Variants in INTS9 observed in about 807,000 individuals in gnomAD.
The protein encoded by INTS9 is integrator complex subunit 9.
A neutral mutation model predicts 79.7 loss-of-function variants in INTS9; 55 were observed. The ratio of observed to expected loss-of-function variants is 0.69; its 90% CI spans 0.56 to 0.86. The LOEUF (loss-of-function observed/expected upper bound fraction) is 0.86. INTS9 is among the 40% of genes least tolerant of loss of function. The probability of loss-of-function intolerance (pLI) is 0.00; values close to 1 mark genes in which losing one functional copy is unlikely to be tolerated. For synonymous variants in INTS9, 319 were observed against 325.2 expected (o/e 0.98, Z 0.20); for missense variants, 721 against 831.5 (o/e 0.87, Z 1.64).
chr8:28,862,836 TGA>T (rs987684213), intron 1 of INTS9, among the ~76,000 whole-genome samples: 11 of 152,240 alleles, frequency 7.2e-5, no homozygotes, highest in African/African-American at 1.9e-4. Flanking sequence ...GCTTTAGTTC[TGA>T]GAGGCAGTTT....
At chr8:28,824,577 CG>C (rs1441501579) in intron 6 of INTS9, among the ~76,000 whole-genome samples, 2 of 152,198 alleles carry the variant, frequency 1.3e-5, no homozygotes, top group African/African-American at 2.4e-5. Context: ...TGCTCACTCA[CG>C]TGCTCTTTGG....
intron 14 of INTS9, among the ~76,000 whole-genome samples, chr8:28,773,216 C>T (rs922353973): frequency 6.6e-6 from 1 of 152,280 alleles, no homozygotes; most frequent in East Asian, 1.9e-4. Context: ...GTAATCCCAG[C>T]ACTCTGGGAG....
At chr8:28,785,770 T>C (rs1485199401) in intron 11 of INTS9, among the ~76,000 whole-genome samples, 1 of 152,180 alleles carries the variant, frequency 6.6e-6, no homozygotes, top group Non-Finnish European at 1.5e-5. Context: ...GACACACACA[T>C]ACACACACAT....
intron 2 of INTS9, among the ~76,000 whole-genome samples, chr8:28,857,859 TAG>T (rs961600893): frequency 2.6e-5 from 4 of 152,136 alleles, no homozygotes; most frequent in Non-Finnish European, 5.9e-5. Context: ...GCTGAGGGGA[TAG>T]AGAGGGCCAG....
At chr8:28,881,169 T>G (rs1293192135) in intron 1 of INTS9, among the ~76,000 whole-genome samples, 13 of 101,622 alleles carry the variant, frequency 1.3e-4, no homozygotes, top group Admixed American at 2.1e-4. Flanking sequence ...GTCCGGGAGG[T>G]GAGGGGCGCC....
chr8:28,796,041 G>T (rs1804197469), intron 9 of INTS9, among the ~76,000 whole-genome samples: 1 of 152,228 alleles, frequency 6.6e-6, no homozygotes, highest in Admixed American at 6.5e-5. Flanking sequence ...CGGGCACTGT[G>T]GCTCATGCCG....
rs148290876 is a variant in INTS9, at chr8:28,849,646, C to T, written c.198+567G>A. Among the ~76,000 whole-genome samples, 1,435 of 152,236 alleles carry T rather than the reference C, an allele frequency of 9.4e-3. 17 individuals carry two copies. Among genetic ancestry groups the T allele is most frequent in the South Asian group, 0.063 (306 of 4,820 alleles). On this transcript the variant is annotated intron_variant, in intron 3 of 16. Coordinates refer to ENST00000521022, the MANE Select transcript of INTS9 (RefSeq NM_018250.4). ...AGAAGGCACTGCTGGGGAAGTCAAA[C>T]ACTCTGCTCCTGGACCGTTCCCCAC...
At chr8:28,840,410 A>C (rs1336849861) in intron 4 of INTS9, among the ~76,000 whole-genome samples, 1 of 146,880 alleles carries the variant, frequency 6.8e-6, no homozygotes, top group African/African-American at 2.5e-5. Context: ...TAGAACTAGA[A>C]ATACCATTTG....
At chr8:28,771,172 A>AGAT in intron 14 of INTS9, 92 bp from the exon 15 acceptor site, 3 of 972,998 alleles carry the variant, frequency 3.1e-6, no homozygotes, top group Non-Finnish European at 4.8e-6. Flanking sequence ...CAGTCTAAAA[A>AGAT]GATGAAATAA....
chr8:28,793,959 C>G lies in INTS9; in HGVS notation c.885G>C (p.Val295=). 1.2e-6 allele frequency: 2 copies of G among 1,605,050 alleles called. No individual in the cohort carries two copies. Among genetic ancestry groups the G allele is most frequent in the Non-Finnish European group, 8.5e-7 (1 of 1,174,454 alleles). The part of the protein sequence containing the change: ...LALTVRNGGN[V]LVPCYPSGVI... ...CTCCAGAAGGGTAGCAGGGAACCAA[C>G]ACGTTTCCTCCATTCCGGACTGTCA... The change falls in exon 10 of 17, where the codon GTG becomes GTC. Residue 295 remains valine, a synonymous_variant. Transcript: ENST00000521022.
intron 2 of INTS9, among the ~76,000 whole-genome samples, chr8:28,853,830 T>C (rs1807992531): frequency 6.6e-6 from 1 of 152,112 alleles, no homozygotes. Context: ...ACCATTCTTC[T>C]GCCTCAGCCT....
intron 1 of INTS9, among the ~76,000 whole-genome samples, chr8:28,871,701 T>C (rs1809105401): frequency 6.6e-6 from 1 of 152,272 alleles, no homozygotes; most frequent in Non-Finnish European, 1.5e-5. Flanking sequence ...CCATCATGCC[T>C]GACCTAGGAA....
chr8:28,823,576 G>A (rs1276240343), intron 6 of INTS9, among the ~76,000 whole-genome samples: 1 of 148,934 alleles, frequency 6.7e-6, no homozygotes. Context: ...AATAAAATGT[G>A]TGTACCTTTC....
rs565635986 is a variant in INTS9 at position 28,855,263 on chromosome 8, G to A, written c.137+4173C>T. Reference sequence around the variant, plus strand: ...TTTAATAGAAGGAAACAAAGAACAAGAGGCAGAGTATACAGAAGGTACTGG... The same window carrying A: ...TTTAATAGAAGGAAACAAAGAACAAAAGGCAGAGTATACAGAAGGTACTGG... On this transcript the variant is annotated intron_variant, in intron 2 of 16. Transcript: ENST00000521022. Among the ~76,000 whole-genome samples the A allele has an allele frequency of 3.3e-4, 51 of 152,374 alleles. 1 individual carries two copies. The Middle Eastern group carries it at 0.037, about 112-fold the overall frequency.
intron 8 of INTS9, chr8:28,798,465 A>G (rs1001588077): frequency 6.6e-6 from 1 of 152,214 alleles, no homozygotes; most frequent in Non-Finnish European, 1.5e-5. Flanking sequence ...ACCTTCTAAA[A>G]TGGTATATAC....
chr8:28,772,678 G>A (rs1023717751), intron 14 of INTS9, among the ~76,000 whole-genome samples: 1 of 152,074 alleles, frequency 6.6e-6, no homozygotes, highest in South Asian at 2.1e-4. Flanking sequence ...GTGGTGGCAG[G>A]TGCCTGTAGT....
chr8:28,817,701 G>A (rs956882384), intron 6 of INTS9, among the ~76,000 whole-genome samples: 2 of 149,346 alleles, frequency 1.3e-5, no homozygotes, highest in Non-Finnish European at 3.0e-5. Flanking sequence ...GAAAGTCATT[G>A]GTAGCTTGAT....
At chr8:28,853,525 A>G (rs2131269490) in intron 2 of INTS9, among the ~76,000 whole-genome samples, 1 of 152,314 alleles carries the variant, frequency 6.6e-6, no homozygotes, top group Admixed American at 6.5e-5. Context: ...CTATTTTACT[A>G]ACATTTCTTA....
chr8:28,769,829 G>C, intron 16 of INTS9, 60 bp downstream of exon 16: 1 of 1,596,834 alleles, frequency 6.3e-7, no homozygotes, highest in Non-Finnish European at 8.5e-7. Context: ...GGGGGCCATA[G>C]TGAGCCAGGG....
Sources: allele counts gnomAD v4.1 joint callset (sites outside exome capture counted in the v4.1 genomes callset), GRCh38; gene constraint gnomAD v4.1.1; transcripts MANE v1.5; gene names NCBI Gene and HGNC (gene_info 2026-07-23, HGNC 2026-07-21).